PRKAR2B: variants seen among roughly 807,000 people sequenced by gnomAD.
PRKAR2B encodes protein kinase cAMP-dependent type II regulatory subunit beta, also known as cAMP-dependent protein kinase type II-beta regulatory subunit.
Under a neutral mutation model 49.9 loss-of-function variants are expected in PRKAR2B, and 14 were observed. That is an observed-to-expected ratio of 0.28 (90% CI 0.19 to 0.44). The LOEUF (loss-of-function observed/expected upper bound fraction) is 0.44. Ranked by LOEUF, PRKAR2B falls within the 20% of genes least tolerant of loss-of-function variation. The pLI, the probability that PRKAR2B is intolerant of heterozygous loss-of-function variation, is 1.00. For missense variants in PRKAR2B, 393 were observed against 537.9 expected, an observed-to-expected ratio of 0.73 and a Z score of 2.67; for synonymous variants, 196 against 197.7, an observed-to-expected ratio of 0.99 and a Z score of 0.07.
chr7:107,104,306 A>T (rs891958424), intron 2 of PRKAR2B, among the ~76,000 whole-genome samples: 1 of 152,178 alleles, frequency 6.6e-6, no homozygotes, highest in Non-Finnish European at 1.5e-5. Flanking sequence ...AAGTGCTGGG[A>T]TTACAGGCAT....
intron 8 of PRKAR2B, among the ~76,000 whole-genome samples, chr7:107,155,926 A>G (rs774488059): frequency 6.6e-6 from 1 of 152,248 alleles, no homozygotes; most frequent in Non-Finnish European, 1.5e-5. Flanking sequence ...CTATGCAGCC[A>G]TAAAAAAGAA....
chr7:107,072,054 G>A (rs2116775054), intron 2 of PRKAR2B, among the ~76,000 whole-genome samples: 1 of 149,286 alleles, frequency 6.7e-6, no homozygotes, highest in East Asian at 2.0e-4. Flanking sequence ...GGGTGACAGG[G>A]TGAGACCGCA....
At position 107,126,938 on chromosome 7, in the gene PRKAR2B, A is replaced by T. The variant is rs542949440; in HGVS notation, c.397-1274A>T. On this transcript the variant is annotated intron_variant, in intron 3 of 10. Transcript: ENST00000265717. ...ACCTTACCCTTAGAGGGGAAAGTGC[A>T]GTGACCCTTTCTCTTACTAGCTAGT... Among the ~76,000 whole-genome samples the T allele has an allele frequency of 5.9e-5, 9 of 152,340 alleles. No homozygotes were observed. The South Asian group carries it at 1.9e-3, about 32-fold the overall frequency.
chr7:107,078,203 A>AG (rs1252310582), intron 2 of PRKAR2B: 1 of 147,808 alleles, frequency 6.8e-6, no homozygotes, highest in Non-Finnish European at 1.5e-5. Context: ...TACTCCATCA[A>AG]AAAAAAAAAA....
intron 2 of PRKAR2B, among the ~76,000 whole-genome samples, chr7:107,077,048 G>A (rs1166203829): frequency 6.6e-6 from 1 of 152,104 alleles, no homozygotes; most frequent in Non-Finnish European, 1.5e-5. Context: ...GTTATTTGAC[G>A]ATAACAGCTT....
intron 6 of PRKAR2B, among the ~76,000 whole-genome samples, chr7:107,147,634 T>C (rs1795917001): frequency 6.6e-6 from 1 of 152,216 alleles, no homozygotes; most frequent in Admixed American, 6.5e-5. Context: ...ATTTTTGCAT[T>C]TCTCATCAGC....
chr7:107,156,421 G>A (rs984823774), intron 8 of PRKAR2B, among the ~76,000 whole-genome samples: 1 of 152,058 alleles, frequency 6.6e-6, no homozygotes, highest in East Asian at 1.9e-4. Flanking sequence ...CTGGGTGACA[G>A]AGCGAGACTC....
At chr7:107,074,252 C>T (rs558203786) in intron 2 of PRKAR2B, among the ~76,000 whole-genome samples, 5 of 151,768 alleles carry the variant, frequency 3.3e-5, no homozygotes, top group African/African-American at 7.2e-5. Flanking sequence ...TACAGGTGTA[C>T]GCCACCATGC....
intron 1 of PRKAR2B, chr7:107,066,829 G>C: frequency 6.6e-6 from 1 of 152,184 alleles, no homozygotes; most frequent in African/African-American, 2.4e-5. Context: ...GCCTACCTCG[G>C]CCTCCCTAAG....
intron 5 of PRKAR2B, among the ~76,000 whole-genome samples, chr7:107,145,841 G>A (rs538785366): frequency 6.7e-6 from 1 of 148,154 alleles, no homozygotes; most frequent in South Asian, 2.1e-4. Context: ...CCAGGTTCAA[G>A]TGATTCTCCT....
chr7:107,123,706 G>T (rs1795429426), intron 3 of PRKAR2B, among the ~76,000 whole-genome samples: 1 of 152,150 alleles, frequency 6.6e-6, no homozygotes, highest in African/African-American at 2.4e-5. Flanking sequence ...AACCTACTTG[G>T]GAACCACTTC....
chr7:107,090,998 A>C (rs1794723946), intron 2 of PRKAR2B, among the ~76,000 whole-genome samples: 1 of 152,216 alleles, frequency 6.6e-6, no homozygotes, highest in Non-Finnish European at 1.5e-5. Context: ...GGGAGGCTAA[A>C]GGTCACTGTC....
In PRKAR2B at chr7:107,161,464, T is replaced by A. The variant is rs1796195701; in HGVS notation, c.*1882T>A. 6.5e-6 allele frequency: 1 copy of A among 152,676 alleles called. No homozygotes were observed. The highest frequency in any genetic ancestry group is 2.1e-4 in the South Asian group (1 of 4,830). The allele number at this position is 152,676 out of a possible 1,614,324, so 9.5% of individuals were successfully genotyped here. ...TTATTTTCAGTATTGTTGGTTATAT[T>A]TAAATTTTCCTTACAATAAAGCACA... On this transcript the variant is annotated 3_prime_UTR_variant, in exon 11 of 11. Coordinates refer to ENST00000265717, the MANE Select transcript of PRKAR2B (RefSeq NM_002736.3).
intron 2 of PRKAR2B, among the ~76,000 whole-genome samples, chr7:107,104,835 TATC>T (rs1795043859): frequency 6.6e-6 from 1 of 152,162 alleles, no homozygotes; most frequent in Non-Finnish European, 1.5e-5. Context: ...ACGAATCAGT[TATC>T]ATTTTCAGGG....
chr7:107,089,379 C>G (rs1399634415), intron 2 of PRKAR2B, among the ~76,000 whole-genome samples: 1 of 152,146 alleles, frequency 6.6e-6, no homozygotes, highest in Non-Finnish European at 1.5e-5. Context: ...TTATACTCCT[C>G]CCATAACAGA....
intron 1 of PRKAR2B, among the ~76,000 whole-genome samples, chr7:107,052,361 T>C (rs183071480): frequency 7.8e-4 from 119 of 152,290 alleles, no homozygotes; most frequent in Middle Eastern, 3.4e-3. Flanking sequence ...GAGGTTGCAG[T>C]GAGCCGAGAT....
At chr7:107,049,960 A>T (rs2116745376) in intron 1 of PRKAR2B, among the ~76,000 whole-genome samples, 1 of 152,330 alleles carries the variant, frequency 6.6e-6, no homozygotes, top group African/African-American at 2.4e-5. Context: ...GATAATAAAA[A>T]TTATTTTGAG....
chr7:107,099,505 C>G (rs998203509), intron 2 of PRKAR2B, among the ~76,000 whole-genome samples: 11 of 152,168 alleles, frequency 7.2e-5, no homozygotes, highest in African/African-American at 2.4e-4. Flanking sequence ...GGGCCGCACC[C>G]ACTGTCCGAC....
intron 1 of PRKAR2B, among the ~76,000 whole-genome samples, chr7:107,063,420 C>G (rs538512677): frequency 5.3e-4 from 81 of 152,258 alleles, no homozygotes; most frequent in African/African-American, 1.8e-3. Context: ...AGTAATGAAG[C>G]AGACAGACAA....
Sources: allele counts gnomAD v4.1 joint callset (sites outside exome capture counted in the v4.1 genomes callset), GRCh38; gene constraint gnomAD v4.1.1; transcripts MANE v1.5; gene names NCBI Gene and HGNC (gene_info 2026-07-23, HGNC 2026-07-21).